The following PTPN22 variants were observed in gnomAD, a reference collection of about 807,000 sequenced individuals.
PTPN22 encodes the protein tyrosine-protein phosphatase non-receptor type 22.
A neutral mutation model predicts 103.3 loss-of-function variants in PTPN22; 85 were observed. The ratio of observed to expected loss-of-function variants is 0.82; its 90% CI spans 0.69 to 0.99. The LOEUF is 0.99. Ranked by LOEUF, PTPN22 falls within the 50% of genes least tolerant of loss-of-function variation. The pLI is 0.00. For missense variants in PTPN22, 865 were observed against 936.9 expected (o/e 0.92, Z 1.00); for synonymous variants, 323 against 310.2 (o/e 1.04, Z -0.43).
intron 11 of PTPN22, among the ~76,000 whole-genome samples, chr1:113,840,568 T>C (rs956405584): frequency 2.0e-5 from 3 of 152,240 alleles, no homozygotes; most frequent in Non-Finnish European, 4.4e-5. Context: ...CAAAGTGATC[T>C]ACAAGTGCAA....
At chr1:113,818,998 C>G (rs1661374505) in intron 20 of PTPN22, among the ~76,000 whole-genome samples, 1 of 152,128 alleles carries the variant, frequency 6.6e-6, no homozygotes, top group South Asian at 2.1e-4. Context: ...GTAGTAATAG[C>G]CTACCACTAA....
intron 9 of PTPN22, among the ~76,000 whole-genome samples, chr1:113,852,604 A>T (rs113660453): frequency 6.6e-6 from 1 of 152,222 alleles, no homozygotes; most frequent in Non-Finnish European, 1.5e-5. Flanking sequence ...TTCATCATGC[A>T]TCACAATCAC....
In PTPN22 at chr1:113,847,751, G is replaced by A. The variant is rs553145436; in HGVS notation, c.915+789C>T. 2.6e-5 allele frequency among the ~76,000 whole-genome samples: 4 copies of A among 151,436 alleles called. No homozygotes were observed. The South Asian group carries it at 8.4e-4, about 32-fold the overall frequency. On this transcript the variant is annotated intron_variant, in intron 11 of 20. Coordinates refer to ENST00000359785, the Ensembl canonical transcript of PTPN22. ...GCATCACCATGCCCAGTTAATTTTTGTATTTTTAGTAGAGATGGGGTTTCA... is the reference window on the plus strand; with the variant it reads ...GCATCACCATGCCCAGTTAATTTTTATATTTTTAGTAGAGATGGGGTTTCA...
At chr1:113,855,875 C>A (rs1166693301) in intron 7 of PTPN22, among the ~76,000 whole-genome samples, 1 of 152,214 alleles carries the variant, frequency 6.6e-6, no homozygotes. Context: ...CTGGGCAGGG[C>A]CTAGGGCAGC....
chr1:113,862,344 G>A (rs1571466861), intron 1 of PTPN22, among the ~76,000 whole-genome samples: 1 of 151,990 alleles, frequency 6.6e-6, no homozygotes, highest in Non-Finnish European at 1.5e-5. Context: ...AACATCCCTC[G>A]TGGGCCCTGA....
chr1:113,836,844 T>G (rs1014519980), intron 13 of PTPN22, among the ~76,000 whole-genome samples: 7 of 152,028 alleles, frequency 4.6e-5, no homozygotes, highest in African/African-American at 1.7e-4. Context: ...GAGGATTGGT[T>G]GAGCCCAGGA....
chr1:113,842,823 C>G (rs996063776), intron 11 of PTPN22, among the ~76,000 whole-genome samples: 5 of 151,528 alleles, frequency 3.3e-5, no homozygotes, highest in African/African-American at 1.2e-4. Flanking sequence ...ACTAAACGGC[C>G]GGGCGCGGTG....
chr1:113,861,259 G>T (rs1437342345), intron 1 of PTPN22, among the ~76,000 whole-genome samples: 1 of 151,650 alleles, frequency 6.6e-6, no homozygotes, highest in African/African-American at 2.4e-5. Flanking sequence ...TTTTGTTTTT[G>T]AGACAAAGTC....
In PTPN22 at chr1:113,816,442, A is replaced by G. The variant is rs566695379; in HGVS notation, c.2360-1473T>C. ...CAGAGGGGAAAAAAAAAAAGAATTGAAAAAAAAAAACAGCATCCAGCACAA... is the reference window on the plus strand; with the variant it reads ...CAGAGGGGAAAAAAAAAAAGAATTGGAAAAAAAAAACAGCATCCAGCACAA... On this transcript the variant is annotated intron_variant, in intron 20 of 20. Transcript: ENST00000359785. 4.1e-3 allele frequency among the ~76,000 whole-genome samples: 110 copies of G among 27,114 alleles called. 1 individual carries two copies. The highest frequency in any genetic ancestry group is 0.035 in the African/African-American group (104 of 2,986). 17.8% of individuals were successfully genotyped at this position (27,114 alleles called of 152,430 possible).
At chr1:113,871,613 C>T (rs1398380625) in exon 1 of PTPN22, 6 of 1,613,964 alleles carry the variant, frequency 3.7e-6, no homozygotes, top group Non-Finnish European at 5.1e-6. Context: ...CAGAATTTCT[C>T]TTTGGTCCAT....
chr1:113,871,560 C>T, exon 1 of PTPN22: 1 of 1,614,040 alleles, frequency 6.2e-7, no homozygotes, highest in Non-Finnish European at 8.5e-7. Context: ...GCAAACTCCT[C>T]TTTAGTAATT....
intron 20 of PTPN22, among the ~76,000 whole-genome samples, chr1:113,816,425 A>G (rs546904726): frequency 5.1e-5 from 4 of 78,002 alleles, no homozygotes; most frequent in East Asian, 2.5e-4. Context: ...TGCAGAGGGG[A>G]AAAAAAAAAA....
chr1:113,864,397 AAAAAAAAAG>A (rs1665929367), intron 1 of PTPN22: 1 of 220,746 alleles, frequency 4.5e-6, no homozygotes, highest in Non-Finnish European at 8.7e-6. Context: ...CTCCAGAAAA[AAAAAAAAAG>A]AAAGAAAAGA....
rs887359912 is a variant in PTPN22 at position 113,842,039 on chromosome 1, TA to T, written c.916-3420del. 7.0e-3 allele frequency among the ~76,000 whole-genome samples: 1,047 copies of T among 148,702 alleles called. 14 individuals are homozygous for T. Among genetic ancestry groups the T allele is most frequent in the African/African-American group, 0.023 (951 of 40,574 alleles). ...GGGCAACATAATGAGACCCTGTCTC[TA>T]AAAAAAAAATTAAAAAAAAATTAGC... On this transcript the variant is annotated intron_variant, in intron 11 of 20. Transcript: ENST00000359785.
intron 11 of PTPN22, among the ~76,000 whole-genome samples, chr1:113,846,823 C>G (rs1419248182): frequency 5.9e-5 from 9 of 152,136 alleles, no homozygotes; most frequent in Non-Finnish European, 1.2e-4. Flanking sequence ...AATCTGCTGT[C>G]ATTCTAATTG....
chr1:113,856,487 G>A (rs1360146956), intron 6 of PTPN22, 46 bp from the exon 7 acceptor site: 2 of 1,613,372 alleles, frequency 1.2e-6, no homozygotes, highest in Non-Finnish European at 1.7e-6. Flanking sequence ...GCAAAGACAA[G>A]CTCTCTATAA....
At chr1:113,847,542 T>C (rs989461642) in intron 11 of PTPN22, among the ~76,000 whole-genome samples, 5 of 151,638 alleles carry the variant, frequency 3.3e-5, no homozygotes, top group African/African-American at 1.2e-4. Context: ...CACATTGTTA[T>C]GAGACTCTGA....
chr1:113,834,684 A>C (rs1046166278), intron 14 of PTPN22, among the ~76,000 whole-genome samples: 19 of 152,018 alleles, frequency 1.2e-4, no homozygotes, highest in African/African-American at 4.3e-4. Flanking sequence ...TCCACCATCC[A>C]AATAGTTGGG....
chr1:113,854,668 C>A, intron 8 of PTPN22, 131 bp from the exon 9 acceptor site: 1 of 1,029,582 alleles, frequency 9.7e-7, no homozygotes, highest in African/African-American at 1.6e-5. Context: ...TTTCCAAACC[C>A]CACCATTTCC....
Sources: allele counts gnomAD v4.1 joint callset (sites outside exome capture counted in the v4.1 genomes callset), GRCh38; gene constraint gnomAD v4.1.1; transcripts MANE v1.5; gene names NCBI Gene and HGNC (gene_info 2026-07-23, HGNC 2026-07-21).